Variants in SEMA6D observed in about 807,000 individuals in gnomAD.
The protein encoded by SEMA6D is semaphorin 6D.
In SEMA6D, 35 loss-of-function variants were observed where a neutral mutation model predicts 106.6. The ratio of observed to expected loss-of-function variants is 0.33; its 90% CI spans 0.25 to 0.44. The LOEUF (loss-of-function observed/expected upper bound fraction) is 0.44. SEMA6D is among the 20% of genes least tolerant of loss of function. SEMA6D has a pLI of 1.00. For missense variants in SEMA6D, 1,185 were observed against 1,345.9 expected (o/e 0.88, Z 1.87); for synonymous variants, 499 against 487.7 (o/e 1.02, Z -0.31).
Position 47,771,770 on chromosome 15 carries a change from C to A in SEMA6D, c.3207C>A (p.Asn1069Lys). The A allele has an allele frequency of 6.2e-7, 1 of 1,613,166 alleles. No individual in the cohort carries two copies. Among genetic ancestry groups the A allele is most frequent in the South Asian group, 1.1e-5 (1 of 90,964 alleles). ...AAACCCCATCTGTCAGACCACTGAACAAATACACATACTAGGCCTCAAGTG... is the reference window on the plus strand; with the variant it reads ...AAACCCCATCTGTCAGACCACTGAAAAAATACACATACTAGGCCTCAAGTG... ...VPQTPSVRPL[N>K]KYTY Residue 1069 changes from asparagine (N) to lysine (K), a missense_variant, in exon 19 of 19, where the codon AAC becomes AAA. Around this residue, in one of 3 missense-constraint regions of SEMA6D, gnomAD observed 750 missense variants for 783.5 expected, o/e 0.96. Transcript: ENST00000536845.
intron 1 of SEMA6D, among the ~76,000 whole-genome samples, chr15:47,322,868 A>G (rs2036976377): frequency 6.6e-6 from 1 of 152,142 alleles, no homozygotes; most frequent in Admixed American, 6.5e-5. Context: ...ACATATTTCT[A>G]TGTATACCTA....
intron 1 of SEMA6D, among the ~76,000 whole-genome samples, chr15:47,311,126 G>C (rs2036433825): frequency 6.6e-6 from 1 of 152,188 alleles, no homozygotes; most frequent in South Asian, 2.1e-4. Flanking sequence ...ACGTGAGACA[G>C]ATCAACCCAA....
At chr15:47,204,206 A>G (rs1894898635) in intron 1 of SEMA6D, among the ~76,000 whole-genome samples, 1 of 152,192 alleles carries the variant, frequency 6.6e-6, no homozygotes, top group South Asian at 2.1e-4. Context: ...ATTGAAGCCA[A>G]ATTCAATGAA....
intron 1 of SEMA6D, among the ~76,000 whole-genome samples, chr15:47,336,701 AAGG>A (rs2037571595): frequency 6.6e-6 from 1 of 152,094 alleles, no homozygotes; most frequent in Non-Finnish European, 1.5e-5. Flanking sequence ...TGGAGGATGG[AAGG>A]AGGAGATATT....
chr15:47,758,793 T>G (rs2147615418), intron 1 of SEMA6D, among the ~76,000 whole-genome samples: 1 of 152,272 alleles, frequency 6.6e-6, no homozygotes, highest in South Asian at 2.1e-4. Flanking sequence ...TCCTTTCCAT[T>G]TGGTGAAAAG....
chr15:47,257,591 T>G (rs1306673274), intron 1 of SEMA6D, among the ~76,000 whole-genome samples: 1 of 152,236 alleles, frequency 6.6e-6, no homozygotes, highest in African/African-American at 2.4e-5. Context: ...TCCTGTTGTC[T>G]TTCTGTCATT....
intron 1 of SEMA6D, among the ~76,000 whole-genome samples, chr15:47,398,410 T>G (rs1398017232): frequency 3.9e-5 from 6 of 152,236 alleles, no homozygotes; most frequent in African/African-American, 1.4e-4. Flanking sequence ...TATACATCTC[T>G]GGACTTCTGC....
At chr15:47,445,235 G>C (rs936067483) in intron 2 of SEMA6D, among the ~76,000 whole-genome samples, 5 of 151,980 alleles carry the variant, frequency 3.3e-5, no homozygotes, top group Non-Finnish European at 7.4e-5. Flanking sequence ...GACAACTTTT[G>C]GGTGAGAAAA....
At chr15:47,727,917 C>G (rs536215804) in intron 1 of SEMA6D, among the ~76,000 whole-genome samples, 7 of 152,314 alleles carry the variant, frequency 4.6e-5, no homozygotes, top group African/African-American at 1.4e-4. Context: ...TGACTAGATG[C>G]ATTAGAGAGA....
chr15:47,274,428 A>C (rs2034707301), intron 1 of SEMA6D: 1 of 152,190 alleles, frequency 6.6e-6, no homozygotes, highest in Non-Finnish European at 1.5e-5. Context: ...CTTAAAAATA[A>C]ATTGAATACA....
intron 1 of SEMA6D, among the ~76,000 whole-genome samples, chr15:47,251,091 CA>C (rs928749414): frequency 5.9e-5 from 9 of 152,052 alleles, no homozygotes; most frequent in African/African-American, 2.2e-4. Flanking sequence ...AAGGATAGGT[CA>C]AAAGGTGCCA....
chr15:47,694,217 A>T (rs1398635539), intron 4 of SEMA6D, among the ~76,000 whole-genome samples: 1 of 152,188 alleles, frequency 6.6e-6, no homozygotes, highest in Admixed American at 6.5e-5. Flanking sequence ...CAATGCTGAG[A>T]AATGCTCACA....
intron 4 of SEMA6D, among the ~76,000 whole-genome samples, chr15:47,651,966 A>G (rs977865192): frequency 1.3e-5 from 2 of 152,202 alleles, no homozygotes; most frequent in African/African-American, 4.8e-5. Flanking sequence ...GTGTCCTTCA[A>G]AAATGGCCTG....
chr15:47,629,595 C>A (rs1465864414), intron 4 of SEMA6D, among the ~76,000 whole-genome samples: 1 of 151,928 alleles, frequency 6.6e-6, no homozygotes, highest in Non-Finnish European at 1.5e-5. Flanking sequence ...CAAGTCCTCT[C>A]CTCAGGTTAC....
At chr15:47,277,604 TTA>T (rs1201500820) in intron 1 of SEMA6D, among the ~76,000 whole-genome samples, 563 of 6,740 alleles carry the variant, frequency 0.084, 3 homozygotes, top group East Asian at 0.47. Context: ...ATTATTATTA[TTA>T]TTATTATTTA....
chr15:47,510,295 C>T (rs540180782), intron 3 of SEMA6D, among the ~76,000 whole-genome samples: 1 of 152,106 alleles, frequency 6.6e-6, no homozygotes, highest in African/African-American at 2.4e-5. Context: ...GAATCTAATG[C>T]CTGATGATCT....
Position 47,761,148 on chromosome 15 carries a change from A to T in SEMA6D, c.283-10A>T. The stretch of plus-strand genomic sequence containing the variant: ...TTAAAAACTGCTTTGGTTTTGCTTG[A>T]TTAATACAGAAACTGACATGGCGAT... On this transcript the variant is annotated splice_polypyrimidine_tract_variant and intron_variant, in intron 4 of 18. Transcript: ENST00000536845. 1.2e-6 allele frequency: 2 copies of T among 1,613,680 alleles called. No individual in the cohort carries two copies. The highest frequency in any genetic ancestry group is 1.7e-6 in the Non-Finnish European group (2 of 1,179,780).
intron 3 of SEMA6D, among the ~76,000 whole-genome samples, chr15:47,529,615 A>AC (rs2044883287): frequency 6.7e-6 from 1 of 148,764 alleles, no homozygotes; most frequent in South Asian, 2.1e-4. Flanking sequence ...AAAAAAAAAA[A>AC]AAAAACAAGT....
chr15:47,708,024 T>C (rs978020622), intron 4 of SEMA6D, among the ~76,000 whole-genome samples: 1 of 152,206 alleles, frequency 6.6e-6, no homozygotes, highest in Non-Finnish European at 1.5e-5. Flanking sequence ...CACTTTTCTA[T>C]AGATTCTACC....
Sources: gnomAD v4.1 joint callset for allele counts (sites outside exome capture counted in the v4.1 genomes callset) on GRCh38, gnomAD v4.1.1 for gene constraint, gnomAD v4.1.1 regional missense constraint, MANE v1.5 for transcripts, NCBI Gene and HGNC (gene_info 2026-07-23, HGNC 2026-07-21) for gene names.